Variants in ANKRD27 observed in about 807,000 individuals in gnomAD.
ANKRD27 encodes ankyrin repeat domain 27, also known as ankyrin repeat domain-containing protein 27.
A neutral mutation model predicts 129.7 loss-of-function variants in ANKRD27; 112 were observed. The ratio of observed to expected loss-of-function variants is 0.86; its 90% CI spans 0.74 to 1.01. The LOEUF (loss-of-function observed/expected upper bound fraction) is 1.01, where lower values mean the gene tolerates loss of function less well. Ranked by LOEUF, ANKRD27 falls within the 50% of genes least tolerant of loss-of-function variation. The probability of loss-of-function intolerance (pLI) is 0.00; values close to 1 mark genes in which losing one functional copy is unlikely to be tolerated. For synonymous variants in ANKRD27, 516 were observed against 511.2 expected, an observed-to-expected ratio of 1.01 and a Z score of -0.13; for missense variants, 1,258 against 1,300.5, an observed-to-expected ratio of 0.97 and a Z score of 0.50.
chr19:32,607,780 T>C lies in ANKRD27; in HGVS notation c.2228A>G (p.Asp743Gly). Residue 743 changes from aspartate to glycine, a missense_variant, in exon 23 of 29, where the codon GAC becomes GGC. Physicochemically the swap from Asp to Gly is moderately conservative, Grantham distance 94. Coordinates refer to ENST00000306065, the MANE Select transcript of ANKRD27 (RefSeq NM_032139.3). The stretch of plus-strand genomic sequence containing the variant: ...GGCGACATGCAGCGGGGAGGAGCCG[T>C]CCTGGCTGGTCACGTTCACACCAAG... ...SGLGVNVTSQDGSSPLHVAAL... is the reference protein window; with the variant it reads ...SGLGVNVTSQGGSSPLHVAAL... 3 of 1,611,640 alleles carry C rather than the reference T, an allele frequency of 1.9e-6. No individual in the cohort carries two copies. The highest frequency in any genetic ancestry group is 2.5e-6 in the Non-Finnish European group (3 of 1,179,212).
chr19:32,656,194 A>G (rs982284647), intron 2 of ANKRD27, among the ~76,000 whole-genome samples: 30 of 152,232 alleles, frequency 2.0e-4, no homozygotes, highest in African/African-American at 7.0e-4. Context: ...GCTGAGCAAG[A>G]TAGAGCTTCC....
At chr19:32,607,166 A>G (rs7253288) in intron 23 of ANKRD27, among the ~76,000 whole-genome samples, 10,947 of 104,142 alleles carry the variant, frequency 0.11, 1,468 homozygotes, top group African/African-American at 0.36. Context: ...AAAAAAAAAA[A>G]GGCAAAAAAC....
rs182489231 is a variant in ANKRD27 at position 32,626,598 on chromosome 19, G to T, written c.1536+114C>A. ...GCAGAGCTGGTGTGGAACGAGGGGG[G>T]CACAGCACCAGGAGACAGGGGTGCA... On this transcript the variant is annotated intron_variant, in intron 16 of 28. Transcript: ENST00000306065. 1,010 of 675,830 alleles carry T rather than the reference G, an allele frequency of 1.5e-3. 3 individuals carry two copies. Among genetic ancestry groups the T allele is most frequent in the African/African-American group, 9.9e-3 (510 of 51,482 alleles). 41.9% of individuals were successfully genotyped at this position (675,830 alleles called of 1,614,324 possible). A position where few individuals can be genotyped will look rare whatever the true frequency, so the allele number is the denominator to read the frequency against.
intron 9 of ANKRD27, 63 bp from the exon 10 acceptor site, chr19:32,642,208 C>CTT: frequency 7.4e-7 from 1 of 1,359,848 alleles, no homozygotes; most frequent in Non-Finnish European, 9.6e-7. Context: ...TGGCCTGGAT[C>CTT]TAAGAACACA....
intron 26 of ANKRD27, among the ~76,000 whole-genome samples, chr19:32,601,749 C>T (rs1971657401): frequency 6.6e-6 from 1 of 151,958 alleles, no homozygotes; most frequent in Admixed American, 6.6e-5. Context: ...CATAGGCAGA[C>T]ACCTGAACCT....
At position 32,615,677 on chromosome 19, in the gene ANKRD27, T is replaced by C. The variant is rs1187895988; in HGVS notation, c.2156A>G (p.Lys719Arg). The C allele has an allele frequency of 1.2e-6, 2 of 1,614,186 alleles. No homozygotes were observed. Among genetic ancestry groups the C allele is most frequent in the East Asian group, 2.2e-5 (1 of 44,886 alleles). ...CCAAACCTTCTGAGCTGGGGCACAC[T>C]TGGGGCACTGGCACAACGGGTGACA... ...EFCHPLCQCP[K>R]CAPAQKRLAK... The change falls in exon 22 of 29, where the codon AAG becomes AGG. Residue 719 changes from lysine (K) to arginine (R), a missense_variant. Transcript: ENST00000306065.
intron 13 of ANKRD27, 89 bp downstream of exon 13, chr19:32,631,313 C>T (rs1966987711): frequency 8.0e-7 from 1 of 1,255,088 alleles, no homozygotes; most frequent in Non-Finnish European, 1.2e-6. Flanking sequence ...GCCACCATGC[C>T]TGGCCAACCC....
chr19:32,647,301 G>A (rs1001768349), intron 3 of ANKRD27, among the ~76,000 whole-genome samples: 3 of 152,174 alleles, frequency 2.0e-5, no homozygotes, highest in Non-Finnish European at 4.4e-5. Context: ...ACAGTTACAC[G>A]TTTCTGATAG....
rs369249029 is a variant in ANKRD27 at position 32,617,648 on chromosome 19, C to A, written c.2008-15G>T. On this transcript the variant is annotated splice_polypyrimidine_tract_variant and intron_variant, in intron 20 of 28. Coordinates refer to ENST00000306065, the MANE Select transcript of ANKRD27 (RefSeq NM_032139.3). ...AGTTTTTCTACCTTAATAAAAGGAA[C>A]AAGAATGTTAGAAAAATGATTTCAA... The A allele has an allele frequency of 8.3e-6, 6 of 726,562 alleles. No homozygotes were observed. The highest frequency in any genetic ancestry group is 1.8e-5 in the African/African-American group (1 of 56,544). The allele number at this position is 726,562 out of a possible 1,614,324, so 45.0% of individuals were successfully genotyped here. A position where few individuals can be genotyped will look rare whatever the true frequency, so the allele number is the denominator to read the frequency against.
chr19:32,642,087 G>A lies in ANKRD27; in HGVS notation c.841C>T (p.Gln281Ter). The change falls in exon 10 of 29, where the codon CAG (glutamine) becomes TAG (stop). Residue 281 changes from glutamine (Q) to a stop codon, truncating the protein, a stop_gained. Coordinates refer to ENST00000306065, the MANE Select transcript of ANKRD27 (RefSeq NM_032139.3). LOFTEE classifies it high-confidence loss of function. Reference protein sequence around the residue: ...LAQLNKCTSPQQKLVCLRKVV... With the variant: ...LAQLNKCTSP ...TTTCGCAAGCAGACAAGCTTCTGCT[G>A]TGGGGAGGTGCATTTGTTCAGCTGA... 1.9e-6 allele frequency: 3 copies of A among 1,611,504 alleles called. No homozygotes were observed. Among genetic ancestry groups the A allele is most frequent in the Non-Finnish European group, 2.5e-6 (3 of 1,178,106 alleles).
chr19:32,652,596 G>A (rs1967439422), intron 2 of ANKRD27, among the ~76,000 whole-genome samples: 2 of 151,264 alleles, frequency 1.3e-5, no homozygotes, highest in South Asian at 2.1e-4. Flanking sequence ...TGTGGGGTTG[G>A]GGGAAAGAAA....
In ANKRD27 at chr19:32,634,518, C is replaced by T. The variant is rs1212248767; in HGVS notation, c.1117-3024G>A. ...CTGACAACAAGAGGGGTGCCTTGGGCTGTGACCCTCCCTTTCCCATCCAAA... is the reference window on the plus strand; with the variant it reads ...CTGACAACAAGAGGGGTGCCTTGGGTTGTGACCCTCCCTTTCCCATCCAAA... On this transcript the variant is annotated intron_variant, in intron 12 of 28. Coordinates refer to ENST00000306065, the MANE Select transcript of ANKRD27 (RefSeq NM_032139.3). Among the ~76,000 whole-genome samples the T allele has an allele frequency of 2.6e-5, 4 of 152,336 alleles. No homozygotes were observed. In the East Asian group the frequency reaches 7.7e-4, roughly 29 times the overall value.
chr19:32,646,721 C>T (rs1160622518), intron 3 of ANKRD27, 106 bp from the exon 4 acceptor site: 1 of 1,260,256 alleles, frequency 7.9e-7, no homozygotes, highest in East Asian at 2.5e-5. Context: ...GCCTTCACCC[C>T]ATTGTGGGTT....
At chr19:32,613,649 A>G (rs1451540969) in intron 22 of ANKRD27, among the ~76,000 whole-genome samples, 1 of 152,020 alleles carries the variant, frequency 6.6e-6, no homozygotes, top group Non-Finnish European at 1.5e-5. Flanking sequence ...GTGGAATCAA[A>G]CGGAGTGAAG....
At chr19:32,628,582 C>T (rs1314379162) in intron 14 of ANKRD27, 140 bp downstream of exon 14, 1 of 1,081,426 alleles carries the variant, frequency 9.2e-7, no homozygotes, top group African/African-American at 1.6e-5. Flanking sequence ...CAGCTGTTAT[C>T]ATCTCCACTG....
intron 11 of ANKRD27, among the ~76,000 whole-genome samples, chr19:32,640,027 T>C (rs866244401): frequency 3.1e-4 from 47 of 152,240 alleles, no homozygotes; most frequent in Admixed American, 1.4e-3. Context: ...GGTGGCGCGA[T>C]TTCAGCTCAC....
At chr19:32,657,932 G>A (rs1171821687) in intron 2 of ANKRD27, among the ~76,000 whole-genome samples, 6 of 151,958 alleles carry the variant, frequency 3.9e-5, no homozygotes, top group South Asian at 2.1e-4. Flanking sequence ...CTGAGATCAC[G>A]CCACCACACT....
At chr19:32,619,400 C>T (rs566561107) in intron 19 of ANKRD27, 21 bp from the exon 20 acceptor site, 29 of 1,613,724 alleles carry the variant, frequency 1.8e-5, no homozygotes, top group African/African-American at 5.3e-5. Flanking sequence ...GGAGCCCCAA[C>T]GAGAGAGAGG....
In ANKRD27 at chr19:32,622,429, T is replaced by G; in HGVS notation, c.1820A>C (p.Asn607Thr). Residue 607 changes from asparagine to threonine, a missense_variant, in exon 18 of 29, where the codon AAC (asparagine) becomes ACC (threonine). By Grantham distance (65) the Asn-to-Thr change is moderately conservative. Coordinates refer to ENST00000306065, the MANE Select transcript of ANKRD27 (RefSeq NM_032139.3). ...LKETPLKCAL[N>T]SKILSVMEAY... Reference sequence around the variant, plus strand: ...AGAGATGGGAAGAGCTACCTTTGAGTTTAATGCACACTTGAGGGGCGTCTC... The same window carrying G: ...AGAGATGGGAAGAGCTACCTTTGAGGTTAATGCACACTTGAGGGGCGTCTC... The G allele has an allele frequency of 6.2e-7, 1 of 1,613,642 alleles. No homozygotes were observed. The highest frequency in any genetic ancestry group is 8.5e-7 in the Non-Finnish European group (1 of 1,179,978).
Sources: gnomAD v4.1 joint callset for allele counts (sites outside exome capture counted in the v4.1 genomes callset) on GRCh38, gnomAD v4.1.1 for gene constraint, MANE v1.5 for transcripts, NCBI Gene and HGNC (gene_info 2026-07-23, HGNC 2026-07-21) for gene names.